KCNA2: variants seen among roughly 807,000 people sequenced by gnomAD.
KCNA2 encodes potassium voltage-gated channel subfamily A member 2, also known as potassium channel, voltage gated shaker related subfamily A, member 2.
KCNA2 carries 11 observed loss-of-function variants against 33.4 expected under a neutral mutation model. The observed-to-expected ratio is 0.33, with a 90% CI of 0.21 to 0.55. The LOEUF is 0.55. Among genes scored for constraint, KCNA2 ranks in the 20% least tolerant of loss-of-function variants. The pLI, the probability that KCNA2 is intolerant of heterozygous loss-of-function variation, is 0.93. For missense variants in KCNA2, 291 were observed against 621.6 expected (o/e 0.47, Z 5.66); for synonymous variants, 222 against 231.3 (o/e 0.96, Z 0.37).
intron 1 of KCNA2, among the ~76,000 whole-genome samples, chr1:110,618,034 T>C (rs544714549): frequency 6.6e-6 from 1 of 152,136 alleles, no homozygotes; most frequent in East Asian, 1.9e-4. Context: ...GATGAGAATG[T>C]AGATGGAGTG....
In KCNA2 at chr1:110,602,356, T is replaced by C. The variant is rs1263872245; in HGVS notation, c.*927A>G. On this transcript the variant is annotated 3_prime_UTR_variant, in exon 3 of 3. Transcript: ENST00000316361. ...AACACTGTGTAGGCTACTAGGAAAA[T>C]AGGTTATCTCCTGTGTTTTAAATAT... The C allele has an allele frequency of 4.2e-6, 6 of 1,414,850 alleles. No individual in the cohort carries two copies. The African/African-American group carries it at 4.3e-5, about 10-fold the overall frequency. The allele number at this position is 1,414,850 out of a possible 1,614,324, so 87.6% of individuals were successfully genotyped here.
chr1:110,622,551 TA>T, intron 1 of KCNA2, among the ~76,000 whole-genome samples: 1 of 152,160 alleles, frequency 6.6e-6, no homozygotes, highest in East Asian at 1.9e-4. Flanking sequence ...GAAGCAAAAT[TA>T]TCTTTATTCA....
Position 110,604,856 on chromosome 1 carries a change from C to T in KCNA2, c.-74G>A. On this transcript the variant is annotated 5_prime_UTR_variant, in exon 3 of 3. Transcript: ENST00000316361. The surrounding 1 kb of genome is among the most constrained non-coding windows in gnomAD (Gnocchi z 7.6). ...TGGCAGGGAGCTCAGGGTGCTGCTA[C>T]TGGCCCCAGGAAGCACAGGAGCATT... The T allele has an allele frequency of 1.4e-6, 2 of 1,411,270 alleles. No individual in the cohort carries two copies. The highest frequency in any genetic ancestry group is 1.9e-6 in the Non-Finnish European group (2 of 1,029,606). The allele number at this position is 1,411,270 out of a possible 1,614,324, so 87.4% of individuals were successfully genotyped here.
chr1:110,595,993 T>C lies in KCNA2; in HGVS notation c.*7290A>G, dbSNP rs929605101. 3 of 985,336 alleles carry C rather than the reference T, an allele frequency of 3.0e-6. No homozygotes were observed. The highest frequency in any genetic ancestry group is 3.6e-6 in the Non-Finnish European group (3 of 829,942). The allele number at this position is 985,336 out of a possible 1,614,324, so 61.0% of individuals were successfully genotyped here. ...TTTCTGATCCTCAGTGATGAGGTTA[T>C]AGCCAACCAGGGCAGACAGAAGAAA... On this transcript the variant is annotated 3_prime_UTR_variant, in exon 3 of 3. Transcript: ENST00000316361.
At chr1:110,609,831 A>G (rs963757856), upstream of KCNA2, among the ~76,000 whole-genome samples, 5 of 152,228 alleles carry the variant, frequency 3.3e-5, no homozygotes, top group African/African-American at 1.2e-4. Flanking sequence ...GGAAAAGAAC[A>G]CAGGCCGTAT....
chr1:110,616,579 G>A (rs756432067), intron 1 of KCNA2, among the ~76,000 whole-genome samples: 9 of 152,198 alleles, frequency 5.9e-5, no homozygotes, highest in South Asian at 2.1e-4. Flanking sequence ...GGGAACAACC[G>A]AGCCAGGGTC....
chr1:110,612,201 G>T (rs376606882), intron 1 of KCNA2, among the ~76,000 whole-genome samples: 3 of 152,106 alleles, frequency 2.0e-5, no homozygotes, highest in African/African-American at 7.2e-5. Context: ...GTACAGTCAC[G>T]CGTCACCTAA....
chr1:110,623,387 G>A (rs1650308508), intron 1 of KCNA2, among the ~76,000 whole-genome samples: 1 of 152,160 alleles, frequency 6.6e-6, no homozygotes, highest in Non-Finnish European at 1.5e-5. Context: ...TTTTGACCTT[G>A]TGACCTTCGG....
chr1:110,597,715 TC>T lies in KCNA2; in HGVS notation c.*5567del. The T allele has an allele frequency of 1.0e-6, 1 of 985,368 alleles. No individual in the cohort carries two copies. Among genetic ancestry groups the T allele is most frequent in the Non-Finnish European group, 1.2e-6 (1 of 829,904 alleles). 61.0% of individuals were successfully genotyped at this position (985,368 alleles called of 1,614,324 possible). ...AGAAGTCAAGGGCATTATCTGATAA[TC>T]CAGGTACTATCTATCACTTTTCAGT... On this transcript the variant is annotated 3_prime_UTR_variant, in exon 3 of 3. Coordinates refer to ENST00000316361, the MANE Select transcript of KCNA2 (RefSeq NM_004974.4).
chr1:110,598,290 CCT>C lies in KCNA2; in HGVS notation c.*4991_*4992del. ...GGAGCAGAGCTCAGCACCATCATCCCCTCTCTTGAGTAAACAAGTCAAAGCAC... is the reference window on the plus strand; with the variant it reads ...GGAGCAGAGCTCAGCACCATCATCCCCTCTTGAGTAAACAAGTCAAAGCAC... On this transcript the variant is annotated 3_prime_UTR_variant, in exon 3 of 3. Coordinates refer to ENST00000316361, the MANE Select transcript of KCNA2 (RefSeq NM_004974.4). 2.6e-6 allele frequency: 2 copies of C among 783,064 alleles called. No homozygotes were observed. Among genetic ancestry groups the C allele is most frequent in the Non-Finnish European group, 3.1e-6 (2 of 645,410 alleles). The allele number at this position is 783,064 out of a possible 1,614,324, so 48.5% of individuals were successfully genotyped here. A position where few individuals can be genotyped will look rare whatever the true frequency, so the allele number is the denominator to read the frequency against.
chr1:110,623,568 TA>T (rs1318403090), intron 1 of KCNA2, among the ~76,000 whole-genome samples: 1 of 152,176 alleles, frequency 6.6e-6, no homozygotes, highest in Admixed American at 6.5e-5. Flanking sequence ...TACAAAAAAT[TA>T]CTTTTTGTAG....
In KCNA2 at chr1:110,603,408, T is replaced by G; in HGVS notation, c.1375A>C (p.Met459Leu). ...SASTISKSDY[M>L]EIQEGVNNSN... ...TTATTTACACCCTCCTGGATCTCCA[T>G]GTAATCAGACTTACTAATGGTAGAG... The change falls in exon 3 of 3, where the codon ATG becomes CTG. Residue 459 changes from methionine to leucine, a missense_variant. By Grantham distance (15) the Met-to-Leu change is conservative. Around this residue, in one of 5 missense-constraint regions of KCNA2, gnomAD observed 65 missense variants for 95.1 expected, o/e 0.68. Transcript: ENST00000316361. The surrounding 1 kb of genome is among the most constrained non-coding windows in gnomAD (Gnocchi z 5.7). The G allele has an allele frequency of 6.2e-7, 1 of 1,614,222 alleles. No homozygotes were observed. The highest frequency in any genetic ancestry group is 8.5e-7 in the Non-Finnish European group (1 of 1,180,032).
intron 1 of KCNA2, among the ~76,000 whole-genome samples, chr1:110,617,883 A>T (rs1490733014): frequency 6.6e-6 from 1 of 152,142 alleles, no homozygotes; most frequent in Non-Finnish European, 1.5e-5. Context: ...GGCTGCTCTG[A>T]TGGGCCTGTT....
At chr1:110,620,872 C>T (rs1045995528) in intron 1 of KCNA2, among the ~76,000 whole-genome samples, 2 of 152,300 alleles carry the variant, frequency 1.3e-5, no homozygotes, top group East Asian at 1.9e-4. Context: ...GTCTATCCAC[C>T]GTTAACAACC....
intron 1 of KCNA2, among the ~76,000 whole-genome samples, chr1:110,613,659 G>A (rs1347839854): frequency 6.6e-6 from 1 of 152,230 alleles, no homozygotes; most frequent in African/African-American, 2.4e-5. Flanking sequence ...ACCAGGAGGA[G>A]GATGCACCAG....
intron 1 of KCNA2, among the ~76,000 whole-genome samples, chr1:110,622,581 A>G (rs747748390): frequency 8.5e-5 from 13 of 152,146 alleles, no homozygotes; most frequent in Non-Finnish European, 1.5e-4. Flanking sequence ...ATGGTTATTT[A>G]TGTAGAAAAT....
Position 110,603,736 on chromosome 1 carries a change from T to C in KCNA2, c.1047A>G (p.Ala349=), listed in dbSNP as rs371979518. ...ACTGGGACTCTCGCTCATCGGCCTCTGCAAAATACACAGCACTAGAGAAAA... is the reference window on the plus strand; with the variant it reads ...ACTGGGACTCTCGCTCATCGGCCTCCGCAAAATACACAGCACTAGAGAAAA... The part of the protein sequence containing the change: ...VILFSSAVYF[A]EADERESQFP... Residue 349 remains alanine, a synonymous_variant, in exon 3 of 3, where the codon GCA becomes GCG. Transcript: ENST00000316361. The surrounding 1 kb of genome is among the most constrained non-coding windows in gnomAD (Gnocchi z 5.7). The C allele has an allele frequency of 3.2e-4, 517 of 1,613,946 alleles. No homozygotes were observed. Among genetic ancestry groups the C allele is most frequent in the Non-Finnish European group, 4.1e-4 (487 of 1,180,048 alleles).
At position 110,599,561 on chromosome 1, in the gene KCNA2, C is replaced by G. The variant is rs570931448; in HGVS notation, c.*3722G>C. The stretch of plus-strand genomic sequence containing the variant: ...CTTATGCACAAGAGCAAGTGAAATG[C>G]CACAAGCAAGTAAAGGTGGCTCATT... On this transcript the variant is annotated 3_prime_UTR_variant, in exon 3 of 3. Transcript: ENST00000316361. The G allele has an allele frequency of 7.1e-6, 7 of 985,412 alleles. No homozygotes were observed. Among genetic ancestry groups the G allele is most frequent in the African/African-American group, 1.7e-5 (1 of 57,328 alleles). The allele number at this position is 985,412 out of a possible 1,614,324, so 61.0% of individuals were successfully genotyped here.
In KCNA2 at chr1:110,602,586, C is replaced by T. The variant is rs1406150790; in HGVS notation, c.*697G>A. 9.8e-7 allele frequency: 1 copy of T among 1,024,480 alleles called. No homozygotes were observed. The highest frequency in any genetic ancestry group is 1.2e-6 in the Non-Finnish European group (1 of 854,984). 63.5% of individuals were successfully genotyped at this position (1,024,480 alleles called of 1,614,324 possible). On this transcript the variant is annotated 3_prime_UTR_variant, in exon 3 of 3. Transcript: ENST00000316361. ...GTCTGTTGGTTTGTTAGCTTCTCCCCATAGGCCTAAGGGAACAAATGTGAA... is the reference window on the plus strand; with the variant it reads ...GTCTGTTGGTTTGTTAGCTTCTCCCTATAGGCCTAAGGGAACAAATGTGAA...
Sources: gnomAD v4.1 joint callset for allele counts (sites outside exome capture counted in the v4.1 genomes callset) on GRCh38, gnomAD v4.1.1 for gene constraint, gnomAD v4.1.1 regional missense constraint, Gnocchi (gnomAD v3.1) non-coding constraint, MANE v1.5 for transcripts, NCBI Gene and HGNC (gene_info 2026-07-23, HGNC 2026-07-21) for gene names.